Variants in GNA12 observed in about 807,000 individuals in gnomAD.
The protein encoded by GNA12 is guanine nucleotide-binding protein subunit alpha-12.
GNA12 carries 9 observed loss-of-function variants against 26.0 expected under a neutral mutation model. The observed-to-expected ratio is 0.35, with a 90% confidence interval of 0.21 to 0.60. The LOEUF (loss-of-function observed/expected upper bound fraction) is 0.60, where lower values mean the gene tolerates loss of function less well. Among genes scored for constraint, GNA12 ranks in the 20% least tolerant of loss-of-function variants. The pLI is 0.78. For synonymous variants in GNA12, 264 were observed against 219.6 expected, an observed-to-expected ratio of 1.20 and a Z score of -1.79; for missense variants, 405 against 525.8, an observed-to-expected ratio of 0.77 and a Z score of 2.25.
At chr7:2,793,701 G>A (rs933035862) in intron 2 of GNA12, among the ~76,000 whole-genome samples, 2 of 151,872 alleles carry the variant, frequency 1.3e-5, no homozygotes, top group Non-Finnish European at 2.9e-5. Context: ...TGGCCAACAT[G>A]GTAAAACTCC....
At position 2,795,063 on chromosome 7, in the gene GNA12, G is replaced by A. The variant is rs1792624286; in HGVS notation, c.390C>T (p.Phe130=). The A allele has an allele frequency of 6.2e-7, 1 of 1,613,862 alleles. No homozygotes were observed. The highest frequency in any genetic ancestry group is 8.5e-7 in the Non-Finnish European group (1 of 1,179,774). ...QYSENEKHGM[F]LMAFENKAGL... is the part of the protein sequence containing the mutation. ...CCGCCTTGTTCTCGAAGGCCATCAGGAACATCCCATGCTTCTCATTTTCAG... is the reference window on the plus strand; with the variant it reads ...CCGCCTTGTTCTCGAAGGCCATCAGAAACATCCCATGCTTCTCATTTTCAG... The change falls in exon 2 of 4, where the codon TTC becomes TTT. Residue 130 remains phenylalanine (F), a synonymous_variant. Transcript: ENST00000275364.
chr7:2,811,555 A>T (rs1196924543), intron 1 of GNA12, among the ~76,000 whole-genome samples: 2 of 152,234 alleles, frequency 1.3e-5, no homozygotes, highest in East Asian at 3.8e-4. Flanking sequence ...TAGACTTCTT[A>T]AAAAATCATT....
intron 2 of GNA12, among the ~76,000 whole-genome samples, chr7:2,742,709 G>T (rs181834639): frequency 2.0e-4 from 31 of 152,270 alleles, no homozygotes; most frequent in Admixed American, 3.9e-4. Context: ...AATTCCTCTT[G>T]GTAATGCTTA....
At chr7:2,756,579 C>G (rs996698907) in intron 2 of GNA12, among the ~76,000 whole-genome samples, 2 of 151,574 alleles carry the variant, frequency 1.3e-5, no homozygotes, top group Non-Finnish European at 2.9e-5. Flanking sequence ...CGTGCCACTG[C>G]ACTACAGCCT....
At chr7:2,770,404 C>A (rs1190303323) in intron 2 of GNA12, among the ~76,000 whole-genome samples, 1 of 152,152 alleles carries the variant, frequency 6.6e-6, no homozygotes, top group African/African-American at 2.4e-5. Flanking sequence ...TCAATTCTGA[C>A]ATAGTTCAGC....
chr7:2,799,873 G>C (rs1224580646), intron 1 of GNA12, among the ~76,000 whole-genome samples: 1 of 152,110 alleles, frequency 6.6e-6, no homozygotes. Context: ...GACAACCAGC[G>C]GCAACACCAA....
intron 2 of GNA12, among the ~76,000 whole-genome samples, chr7:2,771,418 A>T (rs899812870): frequency 6.6e-6 from 1 of 151,798 alleles, no homozygotes; most frequent in South Asian, 2.1e-4. Context: ...GCAAACACCC[A>T]AACAACTCCC....
chr7:2,735,647 C>A (rs1790132695), intron 2 of GNA12, among the ~76,000 whole-genome samples: 1 of 152,248 alleles, frequency 6.6e-6, no homozygotes, highest in Non-Finnish European at 1.5e-5. Flanking sequence ...GCTGCTTTCT[C>A]CACGATGACT....
At chr7:2,734,426 G>T (rs1362765601) in intron 2 of GNA12, among the ~76,000 whole-genome samples, 2 of 152,270 alleles carry the variant, frequency 1.3e-5, no homozygotes, top group Non-Finnish European at 2.9e-5. Flanking sequence ...GGGCTTGTGG[G>T]AAGAGCAGTC....
chr7:2,759,312 A>G (rs1791450402), intron 2 of GNA12, among the ~76,000 whole-genome samples: 1 of 152,224 alleles, frequency 6.6e-6, no homozygotes, highest in South Asian at 2.1e-4. Flanking sequence ...ACAAAGCGCT[A>G]GCTGTAAGAA....
chr7:2,742,513 G>A (rs1024400656), intron 2 of GNA12, among the ~76,000 whole-genome samples: 1 of 152,180 alleles, frequency 6.6e-6, no homozygotes. Context: ...TGGACTCACA[G>A]ACGCTGTCAT....
At chr7:2,780,048 G>GTGTGTGTATATATATA (rs748113158) in intron 2 of GNA12, among the ~76,000 whole-genome samples, 1 of 84,734 alleles carries the variant, frequency 1.2e-5, no homozygotes, top group Non-Finnish European at 2.2e-5. Flanking sequence ...ACATTTCTGT[G>GTGTGTGTATATATATA]TACATATATA....
intron 1 of GNA12, among the ~76,000 whole-genome samples, chr7:2,827,976 A>C (rs992357881): frequency 2.6e-5 from 4 of 152,204 alleles, no homozygotes; most frequent in Admixed American, 6.5e-5. Flanking sequence ...TTACCAGAAG[A>C]GTTCTAATTT....
intron 2 of GNA12, among the ~76,000 whole-genome samples, chr7:2,751,220 C>CA (rs958951316): frequency 1.1e-4 from 17 of 151,188 alleles, no homozygotes; most frequent in Admixed American, 2.6e-4. Context: ...CCCATCTTCT[C>CA]AAAAAAAACC....
intron 2 of GNA12, among the ~76,000 whole-genome samples, chr7:2,750,188 T>A (rs1790963332): frequency 6.6e-6 from 1 of 152,174 alleles, no homozygotes. Flanking sequence ...ACTCCCATCC[T>A]CACAGCAGCG....
At chr7:2,835,568 G>T in intron 1 of GNA12, 1 of 528,348 alleles carries the variant, frequency 1.9e-6, no homozygotes, top group South Asian at 2.3e-5. Context: ...CAGGGAGCAA[G>T]AGCGCGCTTG....
In GNA12 at chr7:2,735,650, C is replaced by G. The variant is rs112067403; in HGVS notation, c.526-2149G>C. On this transcript the variant is annotated intron_variant, in intron 2 of 3. Transcript: ENST00000275364. ...CAAACACTCACTGCTGCTTTCTCCA[C>G]GATGACTGAATGAGGATGGCTCATT... is the stretch of plus-strand genomic sequence containing the variant. 6.5e-3 allele frequency among the ~76,000 whole-genome samples: 986 copies of G among 152,342 alleles called. 11 individuals are homozygous for G. Among genetic ancestry groups the G allele is most frequent in the African/African-American group, 0.022 (915 of 41,576 alleles).
chr7:2,753,791 C>T (rs984722009), intron 2 of GNA12, among the ~76,000 whole-genome samples: 3 of 151,994 alleles, frequency 2.0e-5, no homozygotes, highest in Non-Finnish European at 4.4e-5. Context: ...TACTCCTGTG[C>T]CATAAGTTTT....
chr7:2,815,520 A>G (rs1793198583), intron 1 of GNA12, among the ~76,000 whole-genome samples: 1 of 152,220 alleles, frequency 6.6e-6, no homozygotes, highest in Non-Finnish European at 1.5e-5. Flanking sequence ...GCCTCTGCCA[A>G]CCACCCCAGG....
Sources: gnomAD v4.1 joint callset for allele counts (sites outside exome capture counted in the v4.1 genomes callset) on GRCh38, gnomAD v4.1.1 for gene constraint, MANE v1.5 for transcripts, NCBI Gene and HGNC (gene_info 2026-07-23, HGNC 2026-07-21) for gene names.